PDE3B: variants seen among roughly 807,000 people sequenced by gnomAD.
PDE3B encodes cGMP-inhibited 3',5'-cyclic phosphodiesterase 3B.
Under a neutral mutation model 116.8 loss-of-function variants are expected in PDE3B, and 66 were observed. The ratio of observed to expected loss-of-function variants is 0.56; its 90% CI spans 0.46 to 0.69. PDE3B has a LOEUF of 0.69. PDE3B is among the 30% of genes least tolerant of loss of function. The pLI is 0.00. For synonymous variants in PDE3B, 595 were observed against 533.6 expected (o/e 1.12, Z -1.59); for missense variants, 1,384 against 1,368.1 (o/e 1.01, Z -0.18).
chr11:14,869,804 T>C lies in PDE3B; in HGVS notation c.*144T>C. ...GGCCTTAATACTGTGAGAGGATCCTTGCTCTGCTGGCAGTTTCCCACTCCT... is the reference window on the plus strand; with the variant it reads ...GGCCTTAATACTGTGAGAGGATCCTCGCTCTGCTGGCAGTTTCCCACTCCT... On this transcript the variant is annotated 3_prime_UTR_variant, in exon 16 of 16. Transcript: ENST00000282096. The C allele has an allele frequency of 1.6e-6, 1 of 630,640 alleles. No individual in the cohort carries two copies. Among genetic ancestry groups the C allele is most frequent in the Non-Finnish European group, 2.7e-6 (1 of 372,092 alleles). 39.1% of individuals were successfully genotyped at this position (630,640 alleles called of 1,614,324 possible). A position where few individuals can be genotyped will look rare whatever the true frequency, so the allele number is the denominator to read the frequency against.
At chr11:14,668,768 C>T (rs1489226952) in intron 1 of PDE3B, among the ~76,000 whole-genome samples, 6 of 152,220 alleles carry the variant, frequency 3.9e-5, no homozygotes, top group South Asian at 2.1e-4. Flanking sequence ...CCAGCTTATT[C>T]GTTTAGATAT....
rs782461910 is a variant in PDE3B at position 14,859,124 on chromosome 11, T to C, written c.2602T>C (p.Tyr868His). 1.3e-5 allele frequency: 21 copies of C among 1,613,600 alleles called. No homozygotes were observed. In the East Asian group the frequency reaches 2.7e-4, roughly 21 times the overall value. The change falls in exon 13 of 16, where the codon TAC (tyrosine) becomes CAC (histidine). Residue 868 changes from tyrosine to histidine, a missense_variant. Coordinates refer to ENST00000282096, the MANE Select transcript of PDE3B (RefSeq NM_000922.4). ...AWNLYLSRPE[Y>H]NFLLHLDHVE... ...GAATCTATATCTTTCTCGCCCAGAA[T>C]ACAACTTCCTTCTTCATCTTGATCA...
the PDE3B span, among the ~76,000 whole-genome samples, chr11:14,892,529 T>A: frequency 1.3e-5 from 2 of 152,214 alleles, no homozygotes; most frequent in East Asian, 3.8e-4. Context: ...CTCACTGGGC[T>A]AGGCGGATCC....
At chr11:14,718,411 C>T (rs1345475637) in intron 1 of PDE3B, among the ~76,000 whole-genome samples, 2 of 144,698 alleles carry the variant, frequency 1.4e-5, no homozygotes, top group Admixed American at 1.4e-4. Context: ...CATCTCTGCA[C>T]CAAGTGGACC....
At chr11:14,712,475 T>TG (rs1332186368) in intron 1 of PDE3B, among the ~76,000 whole-genome samples, 5 of 137,204 alleles carry the variant, frequency 3.6e-5, no homozygotes, top group Non-Finnish European at 6.3e-5. Flanking sequence ...TGTTTTTTTT[T>TG]TTTTTTTTTT....
intron 1 of PDE3B, among the ~76,000 whole-genome samples, chr11:14,704,858 A>T (rs528885873): frequency 9.0e-4 from 137 of 151,818 alleles, no homozygotes; most frequent in Middle Eastern, 3.4e-3. Context: ...AAAATTCATA[A>T]ACTGGACCTT....
rs577298724 is a variant in PDE3B, at chr11:14,687,557, C to T, written c.978+42504C>T. On this transcript the variant is annotated intron_variant, in intron 1 of 15. Coordinates refer to ENST00000282096, the MANE Select transcript of PDE3B (RefSeq NM_000922.4). Reference sequence around the variant, plus strand: ...TTTACTGGAAATTTGATTGGTTTTTCTGTCACCCAAGGGTATTTTAAGCCT... The same window carrying T: ...TTTACTGGAAATTTGATTGGTTTTTTTGTCACCCAAGGGTATTTTAAGCCT... Among the ~76,000 whole-genome samples, 9 of 152,230 alleles carry T rather than the reference C, an allele frequency of 5.9e-5. No homozygotes were observed. The East Asian group carries it at 1.7e-3, about 29-fold the overall frequency.
At chr11:14,679,776 T>C (rs1854643322) in intron 1 of PDE3B, among the ~76,000 whole-genome samples, 1 of 151,824 alleles carries the variant, frequency 6.6e-6, no homozygotes, top group South Asian at 2.1e-4. Flanking sequence ...CTTACTCTAC[T>C]CGACTGGCTA....
At chr11:14,846,260 A>G (rs1367586070) in intron 12 of PDE3B, among the ~76,000 whole-genome samples, 4 of 152,108 alleles carry the variant, frequency 2.6e-5, no homozygotes, top group African/African-American at 7.2e-5. Flanking sequence ...GTAAAGGAGA[A>G]ATAAAATACT....
At chr11:14,737,343 G>A (rs942424215) in intron 1 of PDE3B, among the ~76,000 whole-genome samples, 4 of 152,114 alleles carry the variant, frequency 2.6e-5, no homozygotes, top group Non-Finnish European at 5.9e-5. Flanking sequence ...ACAGGCAGGC[G>A]CCCTGCCACT....
chr11:14,668,774 G>C (rs897957019), intron 1 of PDE3B, among the ~76,000 whole-genome samples: 1 of 152,116 alleles, frequency 6.6e-6, no homozygotes, highest in Non-Finnish European at 1.5e-5. Context: ...TATTCGTTTA[G>C]ATATCAGCAC....
chr11:14,728,837 A>G (rs1447234315), intron 1 of PDE3B, among the ~76,000 whole-genome samples: 1 of 152,194 alleles, frequency 6.6e-6, no homozygotes, highest in Non-Finnish European at 1.5e-5. Context: ...TTTGAATATA[A>G]AAACTAAACT....
At chr11:14,737,345 C>G (rs1035190363) in intron 1 of PDE3B, among the ~76,000 whole-genome samples, 2 of 152,150 alleles carry the variant, frequency 1.3e-5, no homozygotes, top group Non-Finnish European at 2.9e-5. Context: ...AGGCAGGCGC[C>G]CTGCCACTAT....
chr11:14,705,731 A>G (rs558147972), intron 1 of PDE3B, among the ~76,000 whole-genome samples: 3 of 151,924 alleles, frequency 2.0e-5, no homozygotes, highest in South Asian at 4.1e-4. Flanking sequence ...GTTAAGCTAC[A>G]ATGTTTATTG....
intron 1 of PDE3B, among the ~76,000 whole-genome samples, chr11:14,686,744 C>T (rs1484901404): frequency 6.6e-6 from 1 of 152,090 alleles, no homozygotes; most frequent in Non-Finnish European, 1.5e-5. Flanking sequence ...GACAGAGTCT[C>T]GCTGTGTCGC....
At chr11:14,819,686 A>G (rs1392735106) in intron 7 of PDE3B, among the ~76,000 whole-genome samples, 5 of 152,198 alleles carry the variant, frequency 3.3e-5, no homozygotes, top group African/African-American at 1.2e-4. Flanking sequence ...GTAGTTAACT[A>G]AGTAACTCAG....
chr11:14,802,315 G>C (rs1172353367), intron 4 of PDE3B, among the ~76,000 whole-genome samples: 8 of 152,186 alleles, frequency 5.3e-5, no homozygotes, highest in Non-Finnish European at 7.3e-5. Flanking sequence ...TCTGTGGATT[G>C]CGAAGACTGG....
chr11:14,743,821 C>T (rs1330201324), intron 1 of PDE3B, among the ~76,000 whole-genome samples: 1 of 152,198 alleles, frequency 6.6e-6, no homozygotes, highest in Non-Finnish European at 1.5e-5. Context: ...GAGGGAGTTC[C>T]TCAACCCCTT....
intron 1 of PDE3B, among the ~76,000 whole-genome samples, chr11:14,694,910 A>G (rs1191457241): frequency 6.6e-6 from 1 of 152,182 alleles, no homozygotes; most frequent in Non-Finnish European, 1.5e-5. Context: ...ATTGAGGCAC[A>G]TGCATATACT....
Sources: gnomAD v4.1 joint callset for allele counts (sites outside exome capture counted in the v4.1 genomes callset) on GRCh38, gnomAD v4.1.1 for gene constraint, MANE v1.5 for transcripts, NCBI Gene and HGNC (gene_info 2026-07-23, HGNC 2026-07-21) for gene names.